The following CENPP variants were observed in gnomAD, a reference collection of about 807,000 sequenced individuals.
CENPP encodes centromere protein P.
Under a neutral mutation model 35.6 loss-of-function variants are expected in CENPP, and 24 were observed. The ratio of observed to expected loss-of-function variants is 0.67; its 90% CI spans 0.49 to 0.95. The LOEUF (loss-of-function observed/expected upper bound fraction) is 0.95, where lower values mean the gene tolerates loss of function less well. Ranked by LOEUF, CENPP falls within the 40% of genes least tolerant of loss-of-function variation. The pLI, the probability that CENPP is intolerant of heterozygous loss-of-function variation, is 0.00. For missense variants in CENPP, 332 were observed against 345.3 expected (o/e 0.96, Z 0.31); for synonymous variants, 120 against 125.5 (o/e 0.96, Z 0.29).
chr9:92,519,111 C>T (rs1847906915), intron 5 of CENPP, among the ~76,000 whole-genome samples: 1 of 152,158 alleles, frequency 6.6e-6, no homozygotes, highest in African/African-American at 2.4e-5. Flanking sequence ...GAGCCTCTCA[C>T]ATTAGTCCCC....
chr9:92,567,362 T>C (rs1028701130), intron 5 of CENPP, among the ~76,000 whole-genome samples: 1 of 90,472 alleles, frequency 1.1e-5, no homozygotes, highest in African/African-American at 4.1e-5. Flanking sequence ...GGTATACAGT[T>C]ACATAAGATA....
At chr9:92,405,824 G>A (rs1299763566) in intron 5 of CENPP, among the ~76,000 whole-genome samples, 1 of 152,240 alleles carries the variant, frequency 6.6e-6, no homozygotes, top group East Asian at 1.9e-4. Context: ...GTTATGACCA[G>A]TGAATACAAT....
intron 5 of CENPP, among the ~76,000 whole-genome samples, chr9:92,532,811 T>C (rs1250382247): frequency 1.3e-5 from 2 of 152,204 alleles, no homozygotes; most frequent in Admixed American, 6.5e-5. Context: ...TATGTGTCTA[T>C]TTCGGTTGTC....
chr9:92,619,568 G>A lies in CENPP; in HGVS notation c.*6419G>A. 1.3e-6 allele frequency: 2 copies of A among 1,574,682 alleles called. No individual in the cohort carries two copies. Among genetic ancestry groups the A allele is most frequent in the Non-Finnish European group, 1.7e-6 (2 of 1,159,668 alleles). On this transcript the variant is annotated 3_prime_UTR_variant, in exon 8 of 8. Transcript: ENST00000375587. ...ATGGCGACGCGGTACTGCTGCACCTGCAGGGGCGGGAAAGATCAGCTCCAG... is the reference window on the plus strand; with the variant it reads ...ATGGCGACGCGGTACTGCTGCACCTACAGGGGCGGGAAAGATCAGCTCCAG...
rs1483584318 is a variant in CENPP at position 92,345,711 on chromosome 9, T to A, written c.391T>A (p.Leu131Ile). The A allele has an allele frequency of 1.9e-6, 3 of 1,577,096 alleles. No homozygotes were observed. Among genetic ancestry groups the A allele is most frequent in the Admixed American group, 1.7e-5 (1 of 59,290 alleles). The change falls in exon 4 of 8, where the codon TTA becomes ATA. Residue 131 changes from leucine (L) to isoleucine (I), a missense_variant. By Grantham distance (5) the Leu-to-Ile change is conservative. Coordinates refer to ENST00000375587, the MANE Select transcript of CENPP (RefSeq NM_001012267.3). ...QILEIQNKERLSSAVTDLNII... is the reference protein window; with the variant it reads ...QILEIQNKERISSAVTDLNII... Reference sequence around the variant, plus strand: ...ATCTTTATTTTAGAATAAGGAGAGATTATCTTCTGCTGTTACTGACCTCAA... The same window carrying A: ...ATCTTTATTTTAGAATAAGGAGAGAATATCTTCTGCTGTTACTGACCTCAA...
At position 92,614,732 on chromosome 9, in the gene CENPP, TA is replaced by T. The variant is rs1431327279; in HGVS notation, c.*1585del. 3.3e-5 allele frequency: 5 copies of T among 152,532 alleles called. No individual in the cohort carries two copies. The highest frequency in any genetic ancestry group is 7.3e-5 in the Non-Finnish European group (5 of 68,032). 9.4% of individuals were successfully genotyped at this position (152,532 alleles called of 1,614,324 possible). On this transcript the variant is annotated 3_prime_UTR_variant, in exon 8 of 8. Coordinates refer to ENST00000375587, the MANE Select transcript of CENPP (RefSeq NM_001012267.3). ...TAGTCCCTCAAAACGATGATATAAA[TA>T]AGTCTGTACAACCTAGCATAGAATA...
rs1843659062 is a variant in CENPP, at chr9:92,417,636, A to G, written c.564+37777A>G. The stretch of plus-strand genomic sequence containing the variant: ...TGAGTAAACTCAGAATACGCTTTGT[A>G]TAAATTCTCAGTTATATGAAATGTA... On this transcript the variant is annotated intron_variant, in intron 5 of 7. Coordinates refer to ENST00000375587, the MANE Select transcript of CENPP (RefSeq NM_001012267.3). 3.6e-6 allele frequency: 3 copies of G among 840,220 alleles called. No homozygotes were observed. The East Asian group carries it at 7.9e-5, about 22-fold the overall frequency. 52.0% of individuals were successfully genotyped at this position (840,220 alleles called of 1,614,324 possible).
intron 5 of CENPP, among the ~76,000 whole-genome samples, chr9:92,434,128 C>T (rs978443127): frequency 3.9e-5 from 6 of 151,984 alleles, no homozygotes; most frequent in East Asian, 1.9e-4. Flanking sequence ...CGGTGGCTCA[C>T]GCCTGTAATC....
At chr9:92,443,286 T>A (rs1844467983) in intron 5 of CENPP, among the ~76,000 whole-genome samples, 1 of 152,208 alleles carries the variant, frequency 6.6e-6, no homozygotes, top group African/African-American at 2.4e-5. Context: ...AAAATATCAA[T>A]TTTTACCATA....
intron 5 of CENPP, among the ~76,000 whole-genome samples, chr9:92,395,592 A>G (rs976519379): frequency 2.6e-5 from 4 of 152,120 alleles, no homozygotes; most frequent in African/African-American, 9.7e-5. Flanking sequence ...GTGTCAAACT[A>G]TTTTCCAAAG....
intron 5 of CENPP, among the ~76,000 whole-genome samples, chr9:92,408,116 T>C (rs1455371742): frequency 6.6e-6 from 1 of 152,222 alleles, no homozygotes; most frequent in Non-Finnish European, 1.5e-5. Flanking sequence ...TTCCCCCATC[T>C]TCATCTTCAT....
chr9:92,416,898 T>C (rs1299713067), intron 5 of CENPP: 3 of 1,613,938 alleles, frequency 1.9e-6, no homozygotes, highest in Non-Finnish European at 2.5e-6. Context: ...AATCTGTTAC[T>C]GCAGAGGTTG....
chr9:92,597,655 G>C (rs542571825), intron 5 of CENPP, among the ~76,000 whole-genome samples: 41 of 152,186 alleles, frequency 2.7e-4, no homozygotes, highest in African/African-American at 7.2e-4. Flanking sequence ...TGTATATTTA[G>C]CTTCTTCATT....
chr9:92,398,460 A>C (rs1042421866), intron 5 of CENPP, among the ~76,000 whole-genome samples: 2 of 152,126 alleles, frequency 1.3e-5, no homozygotes, highest in African/African-American at 4.8e-5. Flanking sequence ...TTTTCACAGA[A>C]ACAAGCAGAT....
At chr9:92,515,301 C>A in intron 5 of CENPP, 1 of 1,322,590 alleles carries the variant, frequency 7.6e-7, no homozygotes, top group Non-Finnish European at 9.6e-7. Context: ...ATTATTCCCT[C>A]CAAGTATTTG....
At position 92,619,638 on chromosome 9, in the gene CENPP, G is replaced by A. The variant is rs1588331012; in HGVS notation, c.*6489G>A. ...CCCCCCCACACAACCTTCCTTCCCA[G>A]TAGCCAAGTGTGGGAACTGCTTCCT... On this transcript the variant is annotated 3_prime_UTR_variant, in exon 8 of 8. Transcript: ENST00000375587. 4 of 1,319,396 alleles carry A rather than the reference G, an allele frequency of 3.0e-6. No homozygotes were observed. In the East Asian group the frequency reaches 7.6e-5, roughly 25 times the overall value. 81.7% of individuals were successfully genotyped at this position (1,319,396 alleles called of 1,614,324 possible).
intron 5 of CENPP, among the ~76,000 whole-genome samples, chr9:92,400,523 T>C (rs975601050): frequency 2.0e-5 from 3 of 152,254 alleles, no homozygotes; most frequent in African/African-American, 7.2e-5. Context: ...TTTTCTGTTA[T>C]GGTTCATTTT....
chr9:92,573,026 A>G (rs978582215), intron 5 of CENPP, among the ~76,000 whole-genome samples: 2 of 152,078 alleles, frequency 1.3e-5, no homozygotes, highest in Non-Finnish European at 2.9e-5. Flanking sequence ...CTTCTTTGCG[A>G]TGGGTTCGAA....
chr9:92,582,206 A>G (rs1225842312), intron 5 of CENPP, among the ~76,000 whole-genome samples: 1 of 152,088 alleles, frequency 6.6e-6, no homozygotes, highest in Admixed American at 6.5e-5. Flanking sequence ...GGCACATGCC[A>G]CCATGCCCGG....
Sources: gnomAD v4.1 joint callset for allele counts (sites outside exome capture counted in the v4.1 genomes callset) on GRCh38, gnomAD v4.1.1 for gene constraint, MANE v1.5 for transcripts, NCBI Gene and HGNC (gene_info 2026-07-23, HGNC 2026-07-21) for gene names.